CDH12: variants seen among roughly 807,000 people sequenced by gnomAD.
The protein encoded by CDH12 is cadherin-12.
In CDH12, 41 loss-of-function variants were observed where a neutral mutation model predicts 74.1. The observed-to-expected ratio is 0.55, with a 90% CI of 0.43 to 0.72. CDH12 has a LOEUF of 0.72. CDH12 is among the 30% of genes least tolerant of loss of function. CDH12 has a pLI of 0.00. For missense variants in CDH12, 945 were observed against 977.2 expected (o/e 0.97, Z 0.44); for synonymous variants, 399 against 355.0 (o/e 1.12, Z -1.39).
intron 6 of CDH12, among the ~76,000 whole-genome samples, chr5:21,901,250 A>G (rs1753371784): frequency 6.6e-6 from 1 of 152,170 alleles, no homozygotes; most frequent in African/African-American, 2.4e-5. Context: ...TTGTATGCCT[A>G]GAACTTATAA....
At chr5:22,639,747 T>G (rs1339925392) in intron 1 of CDH12, among the ~76,000 whole-genome samples, 1 of 152,184 alleles carries the variant, frequency 6.6e-6, no homozygotes, top group Non-Finnish European at 1.5e-5. Context: ...CCATTCTGCT[T>G]AGGTCTCTGG....
chr5:22,067,637 G>T (rs1245313261), intron 5 of CDH12, among the ~76,000 whole-genome samples: 1 of 152,288 alleles, frequency 6.6e-6, no homozygotes, highest in East Asian at 1.9e-4. Flanking sequence ...AGATAGGGAT[G>T]CTGTGTGGCA....
intron 1 of CDH12, among the ~76,000 whole-genome samples, chr5:22,828,425 A>G (rs1202838752): frequency 6.6e-6 from 1 of 152,188 alleles, no homozygotes; most frequent in African/African-American, 2.4e-5. Flanking sequence ...GGGATCTGCC[A>G]TTGACCATAT....
chr5:22,779,986 G>T (rs931608484), intron 1 of CDH12, among the ~76,000 whole-genome samples: 8 of 152,154 alleles, frequency 5.3e-5, no homozygotes, highest in South Asian at 4.1e-4. Flanking sequence ...TTATGTATAA[G>T]TTCATCTTCT....
At chr5:22,079,965 G>C (rs1473932972) in intron 4 of CDH12, among the ~76,000 whole-genome samples, 1 of 151,672 alleles carries the variant, frequency 6.6e-6, no homozygotes, top group South Asian at 2.1e-4. Context: ...TGTTGTAGGT[G>C]ATAATTGCAC....
At chr5:22,456,766 T>A (rs1268949557) in intron 2 of CDH12, among the ~76,000 whole-genome samples, 3 of 152,128 alleles carry the variant, frequency 2.0e-5, no homozygotes, top group African/African-American at 7.2e-5. Context: ...TTGACACACT[T>A]TTCTCTAGCT....
At chr5:21,921,670 T>A (rs1412662652) in intron 6 of CDH12, among the ~76,000 whole-genome samples, 1 of 152,190 alleles carries the variant, frequency 6.6e-6, no homozygotes, top group East Asian at 1.9e-4. Context: ...CATGCCTTTT[T>A]CTCTCTTAGA....
At chr5:22,423,301 T>C (rs928454802) in intron 2 of CDH12, among the ~76,000 whole-genome samples, 6 of 151,660 alleles carry the variant, frequency 4.0e-5, no homozygotes, top group African/African-American at 1.5e-4. Context: ...ATACCAGCTA[T>C]GCAAATACTA....
chr5:21,913,581 T>C (rs1397640414), intron 6 of CDH12, among the ~76,000 whole-genome samples: 2 of 152,140 alleles, frequency 1.3e-5, no homozygotes, highest in Non-Finnish European at 2.9e-5. Flanking sequence ...TATAAATTAA[T>C]TTATTTTTAA....
At chr5:21,898,946 C>T (rs989527983) in intron 6 of CDH12, among the ~76,000 whole-genome samples, 1 of 152,022 alleles carries the variant, frequency 6.6e-6, no homozygotes, top group Non-Finnish European at 1.5e-5. Flanking sequence ...ATCTTCATGG[C>T]CCGAAACTCT....
At chr5:22,497,638 CTTTTTTTTTT>C (rs747466944) in intron 2 of CDH12, among the ~76,000 whole-genome samples, 6 of 83,250 alleles carry the variant, frequency 7.2e-5, no homozygotes, top group South Asian at 5.5e-4. Flanking sequence ...TGTCGAATCT[CTTTTTTTTTT>C]TTTTTTTTTT....
intron 11 of CDH12, among the ~76,000 whole-genome samples, 173 bp from the exon 12 acceptor site, chr5:21,765,272 T>G (rs1744958513): frequency 6.6e-6 from 1 of 152,166 alleles, no homozygotes; most frequent in South Asian, 2.1e-4. Flanking sequence ...ATCCTTTTTA[T>G]CTTTAGAATT....
chr5:22,529,240 A>AT (rs1225287364), intron 1 of CDH12, among the ~76,000 whole-genome samples: 1 of 149,240 alleles, frequency 6.7e-6, no homozygotes, highest in Non-Finnish European at 1.5e-5. Flanking sequence ...AGAGAGAGAG[A>AT]TTTATTATAA....
intron 4 of CDH12, among the ~76,000 whole-genome samples, chr5:22,096,269 C>G (rs955525464): frequency 6.6e-6 from 1 of 152,116 alleles, no homozygotes; most frequent in Non-Finnish European, 1.5e-5. Context: ...ATTTTTCCGT[C>G]CTACAAGATC....
chr5:22,523,551 G>A (rs542822079), intron 1 of CDH12, among the ~76,000 whole-genome samples: 20 of 152,178 alleles, frequency 1.3e-4, no homozygotes, highest in African/African-American at 4.6e-4. Context: ...CAGGTTCCAC[G>A]TGTACACCGT....
At chr5:22,472,869 G>C (rs1746021721) in intron 2 of CDH12, among the ~76,000 whole-genome samples, 1 of 152,044 alleles carries the variant, frequency 6.6e-6, no homozygotes, top group Non-Finnish European at 1.5e-5. Flanking sequence ...CAGGAACCAG[G>C]GACATCCTTT....
At chr5:21,924,970 C>A (rs1024083766) in intron 6 of CDH12, among the ~76,000 whole-genome samples, 7 of 152,084 alleles carry the variant, frequency 4.6e-5, no homozygotes, top group African/African-American at 1.4e-4. Flanking sequence ...CTGGAGAATG[C>A]AACATATTTA....
intron 1 of CDH12, among the ~76,000 whole-genome samples, chr5:22,589,306 G>A (rs1211336551): frequency 6.6e-6 from 1 of 152,090 alleles, no homozygotes; most frequent in Non-Finnish European, 1.5e-5. Flanking sequence ...TGTAAGCCTG[G>A]AGTGTCATCA....
chr5:22,621,543 T>C (rs1737973297), intron 1 of CDH12, among the ~76,000 whole-genome samples: 1 of 151,992 alleles, frequency 6.6e-6, no homozygotes, highest in Admixed American at 6.6e-5. Context: ...TAAAAAATAT[T>C]ATAAAAGAAA....
Sources: gnomAD v4.1 joint callset for allele counts (sites outside exome capture counted in the v4.1 genomes callset) on GRCh38, gnomAD v4.1.1 for gene constraint, MANE v1.5 for transcripts, NCBI Gene and HGNC (gene_info 2026-07-23, HGNC 2026-07-21) for gene names.